The following CNTNAP2 variants were observed in gnomAD, a reference collection of about 807,000 sequenced individuals.
The protein encoded by CNTNAP2 is contactin associated protein 2, also known as contactin-associated protein-like 2.
CNTNAP2 carries 98 observed loss-of-function variants against 155.2 expected under a neutral mutation model. That is an observed-to-expected ratio of 0.63 (90% CI 0.54 to 0.75). The LOEUF is 0.75. CNTNAP2 is among the 30% of genes least tolerant of loss of function. CNTNAP2 has a pLI of 0.00. For missense variants in CNTNAP2, 1,727 were observed against 1,688.1 expected (o/e 1.02, Z -0.40); for synonymous variants, 651 against 631.2 (o/e 1.03, Z -0.47).
intron 2 of CNTNAP2, among the ~76,000 whole-genome samples, chr7:146,801,623 TG>T (rs1432460668): frequency 6.6e-6 from 1 of 152,170 alleles, no homozygotes; most frequent in Non-Finnish European, 1.5e-5. Context: ...AGAAATATGG[TG>T]GGTTCTTTGT....
intron 1 of CNTNAP2, among the ~76,000 whole-genome samples, chr7:146,424,130 G>C (rs1526151): frequency 0.036 from 5,419 of 152,168 alleles, 344 homozygotes; most frequent in African/African-American, 0.12. Context: ...CATTCAATGT[G>C]AAAATTAATC....
intron 1 of CNTNAP2, among the ~76,000 whole-genome samples, chr7:146,360,341 T>A (rs73162173): frequency 0.021 from 3,183 of 152,324 alleles, 63 homozygotes; most frequent in Middle Eastern, 0.085. Context: ...AAGATTTTAA[T>A]TGATTAGTTA....
intron 1 of CNTNAP2, among the ~76,000 whole-genome samples, chr7:146,541,841 G>T (rs540072913): frequency 2.0e-5 from 3 of 152,016 alleles, no homozygotes; most frequent in South Asian, 4.1e-4. Context: ...CCTCTCATTT[G>T]CCCTGCCTTG....
intron 3 of CNTNAP2, among the ~76,000 whole-genome samples, chr7:147,024,856 A>G (rs539117524): frequency 7.2e-5 from 11 of 152,258 alleles, no homozygotes; most frequent in Admixed American, 5.9e-4. Flanking sequence ...GCGGAAGGTG[A>G]AGGGGAAGCA....
At chr7:147,364,996 C>T (rs1796203828) in intron 9 of CNTNAP2, among the ~76,000 whole-genome samples, 1 of 151,988 alleles carries the variant, frequency 6.6e-6, no homozygotes, top group African/African-American at 2.4e-5. Flanking sequence ...AACCAAGAGC[C>T]AATTAGAGAT....
chr7:146,471,425 G>T (rs945608372), intron 1 of CNTNAP2, among the ~76,000 whole-genome samples: 4 of 152,170 alleles, frequency 2.6e-5, no homozygotes, highest in African/African-American at 7.2e-5. Flanking sequence ...ATGCTATAAG[G>T]CATCTCAGCT....
At chr7:146,889,079 G>A (rs1351254731) in intron 3 of CNTNAP2, among the ~76,000 whole-genome samples, 5 of 151,932 alleles carry the variant, frequency 3.3e-5, no homozygotes, top group Non-Finnish European at 7.4e-5. Flanking sequence ...TTATTGCCTT[G>A]ATGGTGATGA....
chr7:146,479,626 T>G (rs1274052753), intron 1 of CNTNAP2, among the ~76,000 whole-genome samples: 1 of 152,032 alleles, frequency 6.6e-6, no homozygotes, highest in Admixed American at 6.5e-5. Context: ...ATTAAGTTTA[T>G]CAACTTTATA....
chr7:146,932,384 C>T (rs1443326643), intron 3 of CNTNAP2, among the ~76,000 whole-genome samples: 1 of 151,690 alleles, frequency 6.6e-6, no homozygotes, highest in Non-Finnish European at 1.5e-5. Flanking sequence ...CAAAATTCAA[C>T]AACCCTTCAT....
chr7:146,611,171 T>A (rs1799130593), intron 1 of CNTNAP2, among the ~76,000 whole-genome samples: 1 of 152,196 alleles, frequency 6.6e-6, no homozygotes, highest in Non-Finnish European at 1.5e-5. Context: ...AGTGGTGCAA[T>A]CACAGCTCAC....
chr7:147,373,093 G>A (rs1796375305), intron 9 of CNTNAP2, among the ~76,000 whole-genome samples: 1 of 151,974 alleles, frequency 6.6e-6, no homozygotes, highest in African/African-American at 2.4e-5. Context: ...ACCCGTTATT[G>A]TTAAAATTAA....
intron 1 of CNTNAP2, among the ~76,000 whole-genome samples, chr7:146,691,736 C>T (rs1021776636): frequency 2.0e-5 from 3 of 152,032 alleles, no homozygotes; most frequent in African/African-American, 2.4e-5. Context: ...CTACCAACCC[C>T]GAAACTCTCC....
chr7:147,212,052 A>T (rs1803159357), intron 8 of CNTNAP2, among the ~76,000 whole-genome samples: 2 of 152,154 alleles, frequency 1.3e-5, no homozygotes, highest in Non-Finnish European at 2.9e-5. Context: ...ATGAGATATC[A>T]TCTCACACAA....
intron 1 of CNTNAP2, among the ~76,000 whole-genome samples, chr7:146,135,912 T>C (rs922110598): frequency 4.6e-5 from 7 of 152,124 alleles, no homozygotes; most frequent in Non-Finnish European, 8.8e-5. Context: ...ATCAAGCTAA[T>C]CTCAATTACC....
chr7:146,308,117 AACAAATTT>A, intron 1 of CNTNAP2, among the ~76,000 whole-genome samples: 1 of 152,318 alleles, frequency 6.6e-6, no homozygotes, highest in South Asian at 2.1e-4. Context: ...CAAAGAACTT[AACAAATTT>A]ACAAGAAAAA....
At position 148,415,454 on chromosome 7, in the gene CNTNAP2, C is replaced by G. The variant is rs147111339; in HGVS notation, c.3834C>G (p.Thr1278=). Residue 1278 remains threonine, a synonymous_variant, in exon 24 of 24, where the codon ACC becomes ACG. Transcript: ENST00000361727. The part of the protein sequence containing the change: ...IAVVIFTILC[T]LVFLIRYMFR... ...TGGTGATTTTCACCATCCTGTGCAC[C>G]CTGGTCTTCCTGATCCGGTACATGT... 1 of 1,614,124 alleles carries G rather than the reference C, an allele frequency of 6.2e-7. No homozygotes were observed. The highest frequency in any genetic ancestry group is 2.2e-5 in the East Asian group (1 of 44,882).
At chr7:146,345,065 A>T (rs1563048258) in intron 1 of CNTNAP2, among the ~76,000 whole-genome samples, 1 of 152,174 alleles carries the variant, frequency 6.6e-6, no homozygotes, top group Non-Finnish European at 1.5e-5. Flanking sequence ...AAATTTAGCA[A>T]ACAGAGTTCT....
intron 9 of CNTNAP2, among the ~76,000 whole-genome samples, chr7:147,368,718 T>C (rs559299486): frequency 2.0e-5 from 3 of 152,346 alleles, no homozygotes; most frequent in South Asian, 2.1e-4. Context: ...GTTTGACTTA[T>C]GTGATTATCT....
chr7:147,452,611 CTAAATTT>C (rs1797851983), intron 10 of CNTNAP2, among the ~76,000 whole-genome samples: 1 of 152,090 alleles, frequency 6.6e-6, no homozygotes, highest in African/African-American at 2.4e-5. Context: ...GAAGTTCATG[CTAAATTT>C]TACAAAAGGC....
Sources: gnomAD v4.1 joint callset for allele counts (sites outside exome capture counted in the v4.1 genomes callset) on GRCh38, gnomAD v4.1.1 for gene constraint, MANE v1.5 for transcripts, NCBI Gene and HGNC (gene_info 2026-07-23, HGNC 2026-07-21) for gene names.